The following AFTPH variants were observed in gnomAD, a reference collection of about 807,000 sequenced individuals.
AFTPH encodes aftiphilin.
AFTPH carries 7 observed loss-of-function variants against 72.5 expected under a neutral mutation model. The observed-to-expected ratio is 0.10, with a 90% CI of 0.05 to 0.18. AFTPH has a LOEUF of 0.18. Among genes scored for constraint, AFTPH ranks in the 10% least tolerant of loss-of-function variants. AFTPH has a pLI of 1.00. For missense variants in AFTPH, 979 were observed against 1,060.5 expected, an observed-to-expected ratio of 0.92 and a Z score of 1.07; for synonymous variants, 337 against 370.1, an observed-to-expected ratio of 0.91 and a Z score of 1.03.
At chr2:64,532,179 A>G in intron 1 of AFTPH, among the ~76,000 whole-genome samples, 1 of 151,674 alleles carries the variant, frequency 6.6e-6, no homozygotes, top group Non-Finnish European at 1.5e-5. Context: ...TGTCTTAGGC[A>G]CTGGGACTGT....
intron 1 of AFTPH, among the ~76,000 whole-genome samples, chr2:64,542,020 AT>A (rs1051195358): frequency 6.6e-6 from 1 of 152,152 alleles, no homozygotes; most frequent in Non-Finnish European, 1.5e-5. Flanking sequence ...CCTGGTCCCT[AT>A]AAAAATAAGT....
chr2:64,551,403 A>T, intron 1 of AFTPH, 40 bp from the exon 2 acceptor site: 2 of 1,457,198 alleles, frequency 1.4e-6, no homozygotes, highest in Non-Finnish European at 1.9e-6. Context: ...TGTTCTATGT[A>T]ATCTGTCCCC....
In AFTPH at chr2:64,533,943, CAT is replaced by C. The variant is rs145340868; in HGVS notation, c.-33+9332_-33+9333del. 2.8e-4 allele frequency among the ~76,000 whole-genome samples: 43 copies of C among 152,220 alleles called. No individual in the cohort carries two copies. In the South Asian group the frequency reaches 3.1e-3, roughly 11 times the overall value. Reference sequence around the variant, plus strand: ...TTATTCTTTAAATCATTCTAAGTGACATGTGATACTTTTCAAAGCAAAACTCC... The same window carrying C: ...TTATTCTTTAAATCATTCTAAGTGACGTGATACTTTTCAAAGCAAAACTCC... On this transcript the variant is annotated intron_variant, in intron 1 of 8. Transcript: ENST00000238856.
At chr2:64,569,121 A>G in exon 4 of AFTPH, 1 of 1,614,100 alleles carries the variant, frequency 6.2e-7, no homozygotes, top group Non-Finnish European at 8.5e-7. Context: ...ACTGAGCTAC[A>G]GGATATCCAT....
chr2:64,554,399 A>G (rs1194146266), intron 2 of AFTPH, among the ~76,000 whole-genome samples: 1 of 152,216 alleles, frequency 6.6e-6, no homozygotes, highest in African/African-American at 2.4e-5. Context: ...CAATTGATAT[A>G]TGTAACTAAC....
At position 64,567,728 on chromosome 2, in the gene AFTPH, G is replaced by A. The variant is rs1672170762; in HGVS notation, c.2087+15G>A. The A allele has an allele frequency of 6.3e-7, 1 of 1,588,954 alleles. No individual in the cohort carries two copies. Among genetic ancestry groups the A allele is most frequent in the Admixed American group, 1.9e-5 (1 of 53,086 alleles). On this transcript the variant is annotated intron_variant, in intron 3 of 8. Coordinates refer to ENST00000238856, the Ensembl canonical transcript of AFTPH. Reference sequence around the variant, plus strand: ...CCTGAAAGTGGGTAAGTAGGAGACTGTTTTTAGATAGCATGTGTTTTTGTT... The same window carrying A: ...CCTGAAAGTGGGTAAGTAGGAGACTATTTTTAGATAGCATGTGTTTTTGTT...
chr2:64,529,906 C>T (rs1669523415), intron 1 of AFTPH, among the ~76,000 whole-genome samples: 1 of 152,178 alleles, frequency 6.6e-6, no homozygotes, highest in Admixed American at 6.5e-5. Context: ...GTAATCCCAG[C>T]ACCTTGGGAG....
rs141992828 is a variant in AFTPH at position 64,569,710 on chromosome 2, A to G, written c.2271+31A>G. On this transcript the variant is annotated intron_variant, in intron 5 of 8. Coordinates refer to ENST00000238856, the Ensembl canonical transcript of AFTPH. Reference sequence around the variant, plus strand: ...TACAAAAATCTCTCTGCATGTATTTATCATTACTGCATCTATTCTGTAAAA... The same window carrying G: ...TACAAAAATCTCTCTGCATGTATTTGTCATTACTGCATCTATTCTGTAAAA... 3 of 1,583,934 alleles carry G rather than the reference A, an allele frequency of 1.9e-6. No individual in the cohort carries two copies. In the Admixed American group the frequency reaches 5.0e-5, roughly 26 times the overall value.
intron 1 of AFTPH, among the ~76,000 whole-genome samples, chr2:64,532,099 T>TGAGG (rs765639913): frequency 3.3e-5 from 5 of 152,154 alleles, no homozygotes; most frequent in Non-Finnish European, 7.4e-5. Context: ...TAGGAGGACT[T>TGAGG]GAGGGAGGGT....
At chr2:64,575,879 C>T (rs1672749464) in intron 6 of AFTPH, among the ~76,000 whole-genome samples, 1 of 151,716 alleles carries the variant, frequency 6.6e-6, no homozygotes, top group South Asian at 2.1e-4. Flanking sequence ...GCTGGGACTA[C>T]AGGCACACAC....
intron 1 of AFTPH, among the ~76,000 whole-genome samples, chr2:64,540,052 C>T (rs536675408): frequency 2.6e-5 from 4 of 152,088 alleles, no homozygotes; most frequent in African/African-American, 2.4e-5. Flanking sequence ...AGAAGAAAAA[C>T]AGAAGGTCCA....
chr2:64,531,242 G>A (rs955858588), intron 1 of AFTPH, among the ~76,000 whole-genome samples: 3 of 151,996 alleles, frequency 2.0e-5, no homozygotes, highest in Non-Finnish European at 2.9e-5. Context: ...CCTTATTGTT[G>A]ATTATTTTCA....
At chr2:64,549,781 GAA>G (rs11315536) in intron 1 of AFTPH, among the ~76,000 whole-genome samples, 1 of 148,888 alleles carries the variant, frequency 6.7e-6, no homozygotes. Flanking sequence ...TGGCTGTTGA[GAA>G]AAAAAAAATT....
intron 1 of AFTPH, among the ~76,000 whole-genome samples, chr2:64,542,409 T>C (rs1303984671): frequency 6.6e-6 from 1 of 152,204 alleles, no homozygotes; most frequent in Non-Finnish European, 1.5e-5. Context: ...ACCAAGCACC[T>C]TCTAAATTCT....
At chr2:64,556,986 T>C (rs939631978) in intron 2 of AFTPH, among the ~76,000 whole-genome samples, 2 of 152,212 alleles carry the variant, frequency 1.3e-5, no homozygotes, top group African/African-American at 4.8e-5. Flanking sequence ...GTCTTCACTT[T>C]TTGGCTAAAG....
intron 1 of AFTPH, among the ~76,000 whole-genome samples, chr2:64,542,540 A>C (rs1301623396): frequency 6.6e-6 from 1 of 152,140 alleles, no homozygotes; most frequent in Non-Finnish European, 1.5e-5. Context: ...CAGACTGGTC[A>C]CTGGACCCTT....
At chr2:64,582,774 C>T (rs978865176) in intron 7 of AFTPH, among the ~76,000 whole-genome samples, 11 of 151,956 alleles carry the variant, frequency 7.2e-5, no homozygotes, top group Admixed American at 5.9e-4. Flanking sequence ...CTTTTGGATC[C>T]CTAAAAACCT....
intron 2 of AFTPH, among the ~76,000 whole-genome samples, chr2:64,555,283 A>G (rs1671284934): frequency 6.6e-6 from 1 of 152,186 alleles, no homozygotes; most frequent in Non-Finnish European, 1.5e-5. Context: ...TTCTGAGACC[A>G]GGTGCAGTGG....
chr2:64,579,960 A>T (rs1039287668), intron 7 of AFTPH: 4 of 159,946 alleles, frequency 2.5e-5, no homozygotes, highest in Non-Finnish European at 4.1e-5. Flanking sequence ...AGCCAAAAAC[A>T]GTGTGCATAG....
Sources: allele counts gnomAD v4.1 joint callset (sites outside exome capture counted in the v4.1 genomes callset), GRCh38; gene constraint gnomAD v4.1.1; transcripts MANE v1.5; gene names NCBI Gene and HGNC (gene_info 2026-07-23, HGNC 2026-07-21).